COL28A1: variants seen among roughly 807,000 people sequenced by gnomAD.
The protein encoded by COL28A1 is collagen alpha-1(XXVIII) chain.
COL28A1 carries 161 observed loss-of-function variants against 150.2 expected under a neutral mutation model. The ratio of observed to expected loss-of-function variants is 1.07; its 90% CI spans 0.94 to 1.22. The LOEUF is 1.22. COL28A1 is among the 50% of genes most tolerant of loss of function. The probability of loss-of-function intolerance (pLI) is 0.00; values close to 1 mark genes in which losing one functional copy is unlikely to be tolerated. For missense variants in COL28A1, 1,617 were observed against 1,388.3 expected, an observed-to-expected ratio of 1.16 and a Z score of -2.62; for synonymous variants, 552 against 469.7, an observed-to-expected ratio of 1.18 and a Z score of -2.26.
chr7:7,422,584 A>T (rs1784434379), intron 25 of COL28A1, among the ~76,000 whole-genome samples: 1 of 151,920 alleles, frequency 6.6e-6, no homozygotes, highest in Admixed American at 6.6e-5. Flanking sequence ...AACCAAAACC[A>T]CGCCATTGCA....
chr7:7,344,742 T>TC, the COL28A1 span, among the ~76,000 whole-genome samples: 1 of 151,794 alleles, frequency 6.6e-6, no homozygotes, highest in Non-Finnish European at 1.5e-5. Context: ...CACAAGACAT[T>TC]CCCCCCAGCA....
At chr7:7,435,560 A>T (rs1785280214) in intron 23 of COL28A1, among the ~76,000 whole-genome samples, 1 of 152,192 alleles carries the variant, frequency 6.6e-6, no homozygotes, top group Admixed American at 6.5e-5. Context: ...CAATAAAAAC[A>T]GGAGAGGCTC....
chr7:7,437,358 G>A, intron 22 of COL28A1, 36 bp downstream of exon 22: 1 of 1,584,182 alleles, frequency 6.3e-7, no homozygotes, highest in Non-Finnish European at 8.6e-7. Context: ...CTGCCAAAGG[G>A]TCAAGAAAAA....
intron 4 of COL28A1, among the ~76,000 whole-genome samples, chr7:7,523,698 T>C (rs1781867838): frequency 6.6e-6 from 1 of 152,186 alleles, no homozygotes; most frequent in African/African-American, 2.4e-5. Flanking sequence ...TTATCTATTG[T>C]GCTAAGGCTC....
At chr7:7,540,817 A>T (rs191047674), upstream of COL28A1, among the ~76,000 whole-genome samples, 9 of 152,082 alleles carry the variant, frequency 5.9e-5, no homozygotes, top group Admixed American at 5.9e-4. Flanking sequence ...AATGAACACC[A>T]CCTCTTCGAA....
chr7:7,489,493 T>C (rs1435934725), intron 12 of COL28A1, 36 bp from the exon 13 acceptor site: 1 of 941,130 alleles, frequency 1.1e-6, no homozygotes, highest in Non-Finnish European at 1.8e-6. Context: ...AAGCTTGAGA[T>C]TTTAAATAAA....
chr7:7,415,685 C>G (rs1784036505), intron 27 of COL28A1, among the ~76,000 whole-genome samples: 1 of 152,146 alleles, frequency 6.6e-6, no homozygotes, highest in Non-Finnish European at 1.5e-5. Context: ...AGGTACGCAC[C>G]ACCATGCCTG....
intron 18 of COL28A1, among the ~76,000 whole-genome samples, chr7:7,449,423 T>C (rs1450706237): frequency 1.3e-5 from 2 of 152,004 alleles, no homozygotes; most frequent in Non-Finnish European, 2.9e-5. Flanking sequence ...ATGAAGGGTA[T>C]CTATCAAAAA....
intron 18 of COL28A1, among the ~76,000 whole-genome samples, chr7:7,448,247 T>C (rs1379384764): frequency 6.6e-6 from 1 of 152,080 alleles, no homozygotes; most frequent in Non-Finnish European, 1.5e-5. Flanking sequence ...CTAAGGCACA[T>C]TATAATCACA....
At chr7:7,379,896 T>A (rs1173913960) in intron 30 of COL28A1, among the ~76,000 whole-genome samples, 1 of 152,188 alleles carries the variant, frequency 6.6e-6, no homozygotes, top group Non-Finnish European at 1.5e-5. Flanking sequence ...GCAGAACACA[T>A]GTGCAGTTCT....
At chr7:7,458,837 C>T (rs763945614) in intron 15 of COL28A1, among the ~76,000 whole-genome samples, 3 of 152,232 alleles carry the variant, frequency 2.0e-5, no homozygotes, top group Non-Finnish European at 4.4e-5. Context: ...CAAAACCCAA[C>T]TCATAGCCAC....
intron 27 of COL28A1, 84 bp from the exon 28 acceptor site, chr7:7,381,696 T>C: frequency 3.5e-6 from 3 of 851,574 alleles, no homozygotes; most frequent in Non-Finnish European, 6.1e-6. Context: ...CACTTACGGT[T>C]TAAAACTGCA....
chr7:7,518,331 A>G (rs61110737), intron 6 of COL28A1, among the ~76,000 whole-genome samples: 2,044 of 152,310 alleles, frequency 0.013, 57 homozygotes, highest in African/African-American at 0.046. Context: ...AAGACATGAT[A>G]GCATCAGTTT....
intron 3 of COL28A1, among the ~76,000 whole-genome samples, chr7:7,525,705 G>A (rs1781988524): frequency 6.6e-6 from 1 of 152,142 alleles, no homozygotes; most frequent in Non-Finnish European, 1.5e-5. Context: ...ACTATAGAGG[G>A]ACGAGATAAC....
chr7:7,489,513 T>G, intron 12 of COL28A1, 56 bp from the exon 13 acceptor site: 2 of 873,328 alleles, frequency 2.3e-6, no homozygotes, highest in African/African-American at 1.6e-5. Flanking sequence ...AGAATAAACA[T>G]AGCGCAAAGT....
rs1298234967 is a variant in COL28A1, at chr7:7,531,675, C to T, written c.354G>A (p.Lys118=). Residue 118 remains lysine, a synonymous_variant, in exon 3 of 35, where the codon AAG becomes AAA. Coordinates refer to ENST00000399429, the MANE Select transcript of COL28A1 (RefSeq NM_001037763.3). ...FSSWKDLQTF[K]QKVKSMNLIG... is the part of the protein sequence containing the mutation. ...TTAAATTCATAGACTTGACCTTCTG[C>T]TTAAATGTCTGCAGGTCCTTCCAGG... is the stretch of plus-strand genomic sequence containing the variant. The T allele has an allele frequency of 6.3e-7, 1 of 1,591,022 alleles. No individual in the cohort carries two copies. The highest frequency in any genetic ancestry group is 1.3e-5 in the African/African-American group (1 of 74,402).
At chr7:7,477,471 A>G (rs188141737) in intron 13 of COL28A1, among the ~76,000 whole-genome samples, 1 of 152,364 alleles carries the variant, frequency 6.6e-6, no homozygotes, top group Admixed American at 6.5e-5. Flanking sequence ...CGCAAATACT[A>G]TGCCATTGTG....
chr7:7,347,716 G>A, the COL28A1 span, among the ~76,000 whole-genome samples: 1 of 152,092 alleles, frequency 6.6e-6, no homozygotes, highest in Non-Finnish European at 1.5e-5. Flanking sequence ...AGACTGCCAT[G>A]TGGAGAAGAG....
In COL28A1 at chr7:7,481,399, G is replaced by A. The variant is rs12670328; in HGVS notation, c.1165-4219C>T. 4.6e-3 allele frequency among the ~76,000 whole-genome samples: 707 copies of A among 152,270 alleles called. 5 individuals carry two copies. Among genetic ancestry groups the A allele is most frequent in the East Asian group, 0.022 (115 of 5,190 alleles). ...CAGTTAAACACTCAGCATGGACGAT[G>A]ATCATTAGCCAGAGAAGAGAAGTAG... On this transcript the variant is annotated intron_variant, in intron 13 of 34. Transcript: ENST00000399429.
Sources: gnomAD v4.1 joint callset for allele counts (sites outside exome capture counted in the v4.1 genomes callset) on GRCh38, gnomAD v4.1.1 for gene constraint, MANE v1.5 for transcripts, NCBI Gene and HGNC (gene_info 2026-07-23, HGNC 2026-07-21) for gene names.